Variants in MYH16 observed in about 807,000 individuals in gnomAD.
MYH16 encodes myosin heavy chain 16.
At chr7:99,256,389 A>G (rs974033506) in intron 9 of MYH16, among the ~76,000 whole-genome samples, 1 of 151,928 alleles carries the variant, frequency 6.6e-6, no homozygotes, top group African/African-American at 2.4e-5. Context: ...GGATCACTTG[A>G]GCCCAGGAGT....
At chr7:99,245,826 T>C (rs1454417870) in intron 2 of MYH16, among the ~76,000 whole-genome samples, 1 of 152,154 alleles carries the variant, frequency 6.6e-6, no homozygotes, top group Non-Finnish European at 1.5e-5. Context: ...GCGCCTGGCC[T>C]TTCTGTTCTT....
chr7:99,273,324 C>T lies in MYH16; in HGVS notation n.2404-18C>T, dbSNP rs541707494. ...ACACCTTCATTGTAACCCACTCAAC[C>T]CTGGATTCTTTTCGCAGAATGGGCC... On this transcript the variant is annotated intron_variant and non_coding_transcript_variant, in intron 19 of 41. Coordinates refer to ENST00000439784, the Ensembl canonical transcript of MYH16. 1.8e-5 allele frequency: 8 copies of T among 456,702 alleles called. No individual in the cohort carries two copies. Among genetic ancestry groups the T allele is most frequent in the African/African-American group, 1.6e-4 (8 of 50,206 alleles). 28.3% of individuals were successfully genotyped at this position (456,702 alleles called of 1,614,324 possible).
At chr7:99,295,553 G>A (rs1237135743) in intron 33 of MYH16, among the ~76,000 whole-genome samples, 1 of 152,082 alleles carries the variant, frequency 6.6e-6, no homozygotes, top group East Asian at 1.9e-4. Flanking sequence ...ACACCTCTCT[G>A]GTCTTGGTCT....
At chr7:99,297,560 C>T (rs993156221) in intron 34 of MYH16, 100 bp from the exon 16 acceptor site, 19 of 380,790 alleles carry the variant, frequency 5.0e-5, no homozygotes, top group African/African-American at 4.0e-4. Context: ...AATCCTGGCA[C>T]TTTGGGAGGC....
chr7:99,269,615 C>A (rs1389695514), intron 18 of MYH16, among the ~76,000 whole-genome samples: 1 of 152,168 alleles, frequency 6.6e-6, no homozygotes, highest in Non-Finnish European at 1.5e-5. Context: ...GCACATATGC[C>A]TGCAGGTCGT....
intron 18 of MYH16, among the ~76,000 whole-genome samples, chr7:99,267,645 C>T (rs182261647): frequency 1.4e-3 from 219 of 152,328 alleles, no homozygotes; most frequent in African/African-American, 4.7e-3. Flanking sequence ...AAGCCCAGCT[C>T]TGAGCCAGCG....
At chr7:99,268,003 C>A (rs1170247672) in intron 18 of MYH16, among the ~76,000 whole-genome samples, 1 of 152,210 alleles carries the variant, frequency 6.6e-6, no homozygotes, top group Non-Finnish European at 1.5e-5. Flanking sequence ...GCCTCTAATG[C>A]ATCTGGTCAC....
chr7:99,269,695 T>G (rs117314495), intron 18 of MYH16, among the ~76,000 whole-genome samples: 2,219 of 152,268 alleles, frequency 0.015, 26 homozygotes, highest in Middle Eastern at 0.078. Context: ...CATGACGTGC[T>G]TTTATCGCTT....
chr7:99,274,458 G>C (rs1792084099), intron 20 of MYH16, among the ~76,000 whole-genome samples: 1 of 152,172 alleles, frequency 6.6e-6, no homozygotes, highest in Non-Finnish European at 1.5e-5. Context: ...TCCCCCATGG[G>C]AAAGAACTAG....
downstream of MYH16, chr7:99,310,646 A>G (rs1789975579): frequency 6.6e-6 from 1 of 152,244 alleles, no homozygotes; most frequent in African/African-American, 2.4e-5. Context: ...CTGTCTTTCC[A>G]GCAAGACAGG....
At chr7:99,244,505 T>C (rs1247082267) in intron 2 of MYH16, among the ~76,000 whole-genome samples, 2 of 152,198 alleles carry the variant, frequency 1.3e-5, no homozygotes, top group African/African-American at 4.8e-5. Context: ...CTGGTAGGAA[T>C]AGGTGAGGTG....
intron 2 of MYH16, among the ~76,000 whole-genome samples, chr7:99,245,769 G>A (rs377142497): frequency 9.2e-5 from 14 of 152,170 alleles, no homozygotes; most frequent in African/African-American, 2.9e-4. Context: ...CCTGTGATCC[G>A]CCTGCCTCAG....
intron 21 of MYH16, among the ~76,000 whole-genome samples, 174 bp downstream of exon 3, chr7:99,277,886 T>TG (rs1415167260): frequency 7.7e-6 from 1 of 130,430 alleles, no homozygotes; most frequent in Non-Finnish European, 1.5e-5. Context: ...TTCGTGTGTG[T>TG]GTGTGTGTGT....
intron 3 of MYH16, among the ~76,000 whole-genome samples, chr7:99,248,051 C>G (rs959547377): frequency 1.3e-5 from 2 of 152,208 alleles, no homozygotes; most frequent in African/African-American, 4.8e-5. Flanking sequence ...GCTCAGTACT[C>G]TTAACCATTA....
intron 1 of MYH16, among the ~76,000 whole-genome samples, chr7:99,240,245 T>C (rs1791651655): frequency 6.6e-6 from 1 of 151,936 alleles, no homozygotes; most frequent in Non-Finnish European, 1.5e-5. Context: ...GTTGCAAAAA[T>C]AGCAAATGAT....
chr7:99,243,392 C>G (rs1396406654), exon 2 of MYH16: 1 of 152,706 alleles, frequency 6.5e-6, no homozygotes, highest in Non-Finnish European at 1.5e-5. Flanking sequence ...AGACAATCTG[C>G]GCCAACGCTA....
intron 20 of MYH16, 67 bp from the exon 3 acceptor site, chr7:99,277,472 C>T (rs1792130638): frequency 2.4e-6 from 1 of 411,912 alleles, no homozygotes; most frequent in Non-Finnish European, 4.9e-6. Context: ...AGAGACTCCA[C>T]AGCCCTCCGT....
At position 99,302,315 on chromosome 7, in the gene MYH16, TATAC is replaced by T. The variant is rs1170155482; in HGVS notation, n.5137+513_5137+516del. Among the ~76,000 whole-genome samples the T allele has an allele frequency of 2.6e-3, 204 of 77,964 alleles. 8 individuals carry two copies. The highest frequency in any genetic ancestry group is 5.7e-3 in the Middle Eastern group (1 of 174). 51.1% of individuals were successfully genotyped at this position (77,964 alleles called of 152,430 possible). On this transcript the variant is annotated intron_variant and non_coding_transcript_variant, in intron 38 of 41. Coordinates refer to ENST00000439784, the Ensembl canonical transcript of MYH16. ...TGACCATCTCAAAAAAAAAAAAATATATACACACACACACACACACACACACACA... is the reference window on the plus strand; with the variant it reads ...TGACCATCTCAAAAAAAAAAAAATATACACACACACACACACACACACACA...
chr7:99,295,472 T>C (rs1792470384), intron 33 of MYH16, among the ~76,000 whole-genome samples: 1 of 152,144 alleles, frequency 6.6e-6, no homozygotes, highest in Non-Finnish European at 1.5e-5. Context: ...GGCTAACTAT[T>C]CCTATTTGCA....
Sources: allele counts gnomAD v4.1 joint callset (sites outside exome capture counted in the v4.1 genomes callset), GRCh38; gene constraint gnomAD v4.1.1; transcripts MANE v1.5; gene names NCBI Gene and HGNC (gene_info 2026-07-23, HGNC 2026-07-21).